The following PLXNA4 variants were observed in gnomAD, a reference collection of about 807,000 sequenced individuals.
The protein encoded by PLXNA4 is plexin A4.
A neutral mutation model predicts 191.8 loss-of-function variants in PLXNA4; 44 were observed. That is an observed-to-expected ratio of 0.23 (90% CI 0.18 to 0.29). PLXNA4 has a LOEUF of 0.29. Among genes scored for constraint, PLXNA4 ranks in the 10% least tolerant of loss-of-function variants. The probability of loss-of-function intolerance (pLI) is 1.00; values close to 1 mark genes in which losing one functional copy is unlikely to be tolerated. For synonymous variants in PLXNA4, 1,082 were observed against 1,009.5 expected, an observed-to-expected ratio of 1.07 and a Z score of -1.36; for missense variants, 1,800 against 2,488.8, an observed-to-expected ratio of 0.72 and a Z score of 5.89.
chr7:132,598,216 G>T (rs1015852207), intron 2 of PLXNA4, among the ~76,000 whole-genome samples: 2 of 152,102 alleles, frequency 1.3e-5, no homozygotes, highest in Non-Finnish European at 2.9e-5. Context: ...TCAAGAGATT[G>T]TTCTGCCTTG....
At chr7:132,181,254 G>A in intron 18 of PLXNA4, 127 bp downstream of exon 18, 1 of 1,493,984 alleles carries the variant, frequency 6.7e-7, no homozygotes, top group Non-Finnish European at 9.1e-7. Flanking sequence ...TCACACTCTG[G>A]GCTACACTGC....
At chr7:132,359,052 C>A (rs1803823735) in intron 3 of PLXNA4, among the ~76,000 whole-genome samples, 3 of 152,112 alleles carry the variant, frequency 2.0e-5, no homozygotes, top group Admixed American at 2.0e-4. Flanking sequence ...AGTGAGGTGG[C>A]CCTGAGAAAG....
At chr7:132,385,449 A>T (rs1805086826) in intron 3 of PLXNA4, among the ~76,000 whole-genome samples, 1 of 152,206 alleles carries the variant, frequency 6.6e-6, no homozygotes, top group Admixed American at 6.5e-5. Flanking sequence ...TAAGAGCCTC[A>T]ATATCTATGG....
intron 3 of PLXNA4, among the ~76,000 whole-genome samples, chr7:132,442,604 C>A (rs1284335059): frequency 6.6e-6 from 1 of 152,122 alleles, no homozygotes; most frequent in Admixed American, 6.5e-5. Context: ...TTTGTCCTCC[C>A]AAATGTTATC....
At chr7:132,264,609 C>A (rs546622604) in intron 4 of PLXNA4, among the ~76,000 whole-genome samples, 1 of 152,090 alleles carries the variant, frequency 6.6e-6, no homozygotes, top group Non-Finnish European at 1.5e-5. Context: ...CCACGCTGGG[C>A]TCCTCATGCC....
intron 4 of PLXNA4, among the ~76,000 whole-genome samples, chr7:132,281,260 T>C (rs1415782740): frequency 3.9e-5 from 6 of 152,040 alleles, no homozygotes; most frequent in Non-Finnish European, 8.8e-5. Flanking sequence ...GACGCAGAGA[T>C]GCAAAAAAGT....
Position 132,507,527 on chromosome 7 carries a change from C to T in PLXNA4, c.1167G>A (p.Lys389=). The change falls in exon 2 of 32, where the codon AAG becomes AAA. Residue 389 remains lysine (K), a synonymous_variant. Transcript: ENST00000321063. ...TCACCGCACTGCTGCAGGGGATGTC[C>T]TTCACCTTGAGCCAGGCCAGGTCCA... ...GTLDLAWLKV[K]DIPCSSALLT... 1 of 1,612,668 alleles carries T rather than the reference C, an allele frequency of 6.2e-7. No individual in the cohort carries two copies. The highest frequency in any genetic ancestry group is 8.5e-7 in the Non-Finnish European group (1 of 1,179,444).
intron 4 of PLXNA4, among the ~76,000 whole-genome samples, chr7:132,250,203 T>C (rs549830845): frequency 3.3e-5 from 5 of 152,284 alleles, no homozygotes; most frequent in African/African-American, 1.2e-4. Flanking sequence ...ATGAATGTAT[T>C]AGTGTTATGC....
At chr7:132,444,841 C>T (rs116779661) in intron 3 of PLXNA4, among the ~76,000 whole-genome samples, 2,462 of 151,958 alleles carry the variant, frequency 0.016, 65 homozygotes, top group African/African-American at 0.056. Flanking sequence ...AACTGAAAAC[C>T]AGCACTGTCA....
intron 1 of PLXNA4, among the ~76,000 whole-genome samples, chr7:132,563,315 TTCCTCCTTCTCC>T (rs1801432341): frequency 1.4e-5 from 1 of 73,474 alleles, no homozygotes; most frequent in Non-Finnish European, 2.7e-5. Context: ...CCTCCTTCTC[TTCCTCCTTCTCC>T]TCCTCCTCCT....
intron 3 of PLXNA4, chr7:132,484,943 G>A (rs112214523): frequency 1.2e-5 from 19 of 1,613,982 alleles, no homozygotes; most frequent in Middle Eastern, 1.6e-4. Context: ...AGCAATGTTC[G>A]CCCCAGGTGG....
intron 8 of PLXNA4, among the ~76,000 whole-genome samples, chr7:132,225,044 G>A (rs1798269788): frequency 6.6e-6 from 1 of 152,146 alleles, no homozygotes; most frequent in African/African-American, 2.4e-5. Context: ...TCTGTGGAGA[G>A]GGGTTCCAGG....
chr7:132,243,595 G>A (rs532167761), intron 4 of PLXNA4, among the ~76,000 whole-genome samples: 7 of 152,092 alleles, frequency 4.6e-5, no homozygotes, highest in Non-Finnish European at 1.0e-4. Context: ...ATTTTTTGTT[G>A]GGTTGGAAAG....
chr7:132,136,680 A>G (rs1795123103), intron 30 of PLXNA4, among the ~76,000 whole-genome samples: 1 of 152,206 alleles, frequency 6.6e-6, no homozygotes, highest in African/African-American at 2.4e-5. Flanking sequence ...CCAGAGAGTG[A>G]CAGTGCGTAT....
chr7:132,515,227 G>A (rs561633500), intron 1 of PLXNA4, among the ~76,000 whole-genome samples: 1 of 152,292 alleles, frequency 6.6e-6, no homozygotes, highest in South Asian at 2.1e-4. Flanking sequence ...CAGGGGACAG[G>A]AGCCTGGAAG....
At chr7:132,303,990 C>A (rs1439066740) in intron 3 of PLXNA4, among the ~76,000 whole-genome samples, 8 of 152,202 alleles carry the variant, frequency 5.3e-5, no homozygotes. Flanking sequence ...ACCAATATGG[C>A]ATGCCAGTGA....
intron 21 of PLXNA4, among the ~76,000 whole-genome samples, chr7:132,172,845 A>G (rs1246994726): frequency 6.6e-6 from 1 of 152,198 alleles, no homozygotes; most frequent in Non-Finnish European, 1.5e-5. Context: ...AGAAAGGAGA[A>G]TAACTTTATA....
At chr7:132,186,425 T>C (rs2116770498) in intron 15 of PLXNA4, among the ~76,000 whole-genome samples, 1 of 152,166 alleles carries the variant, frequency 6.6e-6, no homozygotes. Context: ...TAACCTAGGG[T>C]TCTGCAGAGT....
In PLXNA4 at chr7:132,474,977, T is replaced by C. The variant is rs1485951081; in HGVS notation, c.1371+14315A>G. Among the ~76,000 whole-genome samples, 3 of 152,300 alleles carry C rather than the reference T, an allele frequency of 2.0e-5. No individual in the cohort carries two copies. In the East Asian group the frequency reaches 5.8e-4, roughly 29 times the overall value. ...TGGAGGGAGGGTGCATACATTAATA[T>C]GCTCATTACTCCAAAGGTGACATAC... On this transcript the variant is annotated intron_variant, in intron 3 of 31. Coordinates refer to ENST00000321063, the MANE Select transcript of PLXNA4 (RefSeq NM_020911.2).
Sources: allele counts gnomAD v4.1 joint callset (sites outside exome capture counted in the v4.1 genomes callset), GRCh38; gene constraint gnomAD v4.1.1; transcripts MANE v1.5; gene names NCBI Gene and HGNC (gene_info 2026-07-23, HGNC 2026-07-21).